TNFRSF1A: variants seen among roughly 807,000 people sequenced by gnomAD.
The protein encoded by TNFRSF1A is TNF receptor superfamily member 1A, also known as tumor necrosis factor receptor superfamily member 1A.
TNFRSF1A carries 9 observed loss-of-function variants against 41.6 expected under a neutral mutation model. The observed-to-expected ratio is 0.22, with a 90% confidence interval of 0.13 to 0.38. The LOEUF is 0.38. Among genes scored for constraint, TNFRSF1A ranks in the 10% least tolerant of loss-of-function variants. TNFRSF1A has a pLI of 1.00. For synonymous variants in TNFRSF1A, 254 were observed against 248.6 expected (o/e 1.02, Z -0.21); for missense variants, 463 against 591.5 (o/e 0.78, Z 2.25).
Position 6,333,038 on chromosome 12 carries a change from C to T in TNFRSF1A, c.551+31G>A, listed in dbSNP as rs1404591761. On this transcript the variant is annotated intron_variant, in intron 5 of 9. Transcript: ENST00000162749. This position sits in a 1 kb window ranked among gnomAD's most constrained non-coding sequence, Gnocchi z 6.3. ...CACCCGTCCCAACCCATGCCACCAT[C>T]CAGTGCCCAGCAGCTCTCAGAGATA... 1 of 1,602,312 alleles carries T rather than the reference C, an allele frequency of 6.2e-7. No homozygotes were observed. Among genetic ancestry groups the T allele is most frequent in the Admixed American group, 1.7e-5 (1 of 60,020 alleles).
rs1462805828 is a variant in TNFRSF1A, at chr12:6,334,005, A to G, written c.193+86T>C. ...AAAATCCCAGCCCAGGAGAGACAGC[A>G]AAGTTAGGGAAGAACAACTGGAAGA... is the stretch of plus-strand genomic sequence containing the variant. On this transcript the variant is annotated intron_variant, in intron 2 of 9. Coordinates refer to ENST00000162749, the MANE Select transcript of TNFRSF1A (RefSeq NM_001065.4). The surrounding 1 kb of genome is among the most constrained non-coding windows in gnomAD (Gnocchi z 5.1). 8 of 1,611,700 alleles carry G rather than the reference A, an allele frequency of 5.0e-6. No individual in the cohort carries two copies. The highest frequency in any genetic ancestry group is 4.0e-5 in the African/African-American group (3 of 74,888).
Position 6,329,410 on chromosome 12 carries a change from C to A in TNFRSF1A, c.1270G>T (p.Val424Leu). Reference protein sequence around the residue: ...REATLELLGRVLRDMDLLGCL... With the variant: ...REATLELLGRLLRDMDLLGCL... The stretch of plus-strand genomic sequence containing the variant: ...CCCAGCAGGTCCATGTCGCGGAGCA[C>A]GCGTCCCAGCAGCTCCAGCGTGGCC... The change falls in exon 10 of 10, where the codon GTG becomes TTG. Residue 424 changes from valine (V) to leucine (L), a missense_variant. Around this residue, in one of 4 missense-constraint regions of TNFRSF1A, gnomAD observed 277 missense variants for 288.8 expected, o/e 0.96. Transcript: ENST00000162749. 1 of 1,571,932 alleles carries A rather than the reference C, an allele frequency of 6.4e-7. No homozygotes were observed. Among genetic ancestry groups the A allele is most frequent in the Non-Finnish European group, 8.6e-7 (1 of 1,165,380 alleles).
In TNFRSF1A at chr12:6,329,431, T is replaced by C. The variant is rs766656980; in HGVS notation, c.1249A>G (p.Thr417Ala). The change falls in exon 10 of 10, where the codon ACG (threonine) becomes GCG (alanine). Residue 417 changes from threonine to alanine, a missense_variant. Thr to Ala is a moderately conservative substitution (Grantham distance 58). Around this residue, in one of 4 missense-constraint regions of TNFRSF1A, gnomAD observed 277 missense variants for 288.8 expected, o/e 0.96. Transcript: ENST00000162749. ...AGCACGCGTCCCAGCAGCTCCAGCG[T>C]GGCCTCGCGCCGCGGCGTGCGCCGC... Reference protein sequence around the residue: ...WRRRTPRREATLELLGRVLRD... With the variant: ...WRRRTPRREAALELLGRVLRD... The C allele has an allele frequency of 6.3e-7, 1 of 1,584,318 alleles. No homozygotes were observed. Among genetic ancestry groups the C allele is most frequent in the East Asian group, 2.3e-5 (1 of 43,998 alleles).
rs945363114 is a variant in TNFRSF1A at position 6,337,786 on chromosome 12, G to A, written c.40-3542C>T. On this transcript the variant is annotated intron_variant, in intron 1 of 9. Transcript: ENST00000162749. This position sits in a 1 kb window ranked among gnomAD's most constrained non-coding sequence, Gnocchi z 4.6. ...AAGATGAGAGATCAAAAAATGTCTT[G>A]GTCAGAAAGTGTCTTATCCTCCCCT... Among the ~76,000 whole-genome samples, 6 of 152,016 alleles carry A rather than the reference G, an allele frequency of 3.9e-5. No homozygotes were observed. The highest frequency in any genetic ancestry group is 1.5e-4 in the African/African-American group (6 of 41,328).
At chr12:6,330,213 A>G in intron 8 of TNFRSF1A, 54 bp downstream of exon 8, 2 of 1,613,792 alleles carry the variant, frequency 1.2e-6, no homozygotes, top group Non-Finnish European at 1.7e-6. Flanking sequence ...AGCATTAGGC[A>G]ATTATAAGGA....
At chr12:6,331,826 C>A (rs923411526) in intron 5 of TNFRSF1A, 47 of 175,430 alleles carry the variant, frequency 2.7e-4, no homozygotes, top group Non-Finnish European at 2.9e-4. Context: ...GATGGTGAAA[C>A]CCCATCTCTA....
chr12:6,340,594 A>G (rs1277012120), intron 1 of TNFRSF1A, among the ~76,000 whole-genome samples: 1 of 152,172 alleles, frequency 6.6e-6, no homozygotes, highest in Non-Finnish European at 1.5e-5. Context: ...CCGGGACCAG[A>G]GCGGAGCAGA....
intron 1 of TNFRSF1A, among the ~76,000 whole-genome samples, chr12:6,340,599 A>G (rs1948181981): frequency 6.6e-6 from 1 of 152,158 alleles, no homozygotes; most frequent in Non-Finnish European, 1.5e-5. Context: ...ACCAGAGCGG[A>G]GCAGAGAGGA....
intron 5 of TNFRSF1A, among the ~76,000 whole-genome samples, chr12:6,332,381 C>T (rs976113064): frequency 5.4e-5 from 8 of 148,550 alleles, no homozygotes; most frequent in African/African-American, 2.0e-4. Flanking sequence ...GGAGGCTGAG[C>T]CACGGTTGCA....
At chr12:6,338,809 T>C (rs186235210) in intron 1 of TNFRSF1A, among the ~76,000 whole-genome samples, 5 of 152,252 alleles carry the variant, frequency 3.3e-5, no homozygotes, top group Admixed American at 2.6e-4. Context: ...TTTGTATTTT[T>C]TGTAGAGACA....
chr12:6,329,300 A>G lies in TNFRSF1A; in HGVS notation c.*12T>C. ...CAGGACGGTCCTTAGAGCTGCCCGC[A>G]GGGGCGCAGCCTCATCTGAGAAGAC... On this transcript the variant is annotated 3_prime_UTR_variant, in exon 10 of 10. Coordinates refer to ENST00000162749, the MANE Select transcript of TNFRSF1A (RefSeq NM_001065.4). 6.9e-7 allele frequency: 1 copy of G among 1,456,376 alleles called. No individual in the cohort carries two copies. Among genetic ancestry groups the G allele is most frequent in the Non-Finnish European group, 9.0e-7 (1 of 1,112,348 alleles). The allele number at this position is 1,456,376 out of a possible 1,614,324, so 90.2% of individuals were successfully genotyped here. A position where few individuals can be genotyped will look rare whatever the true frequency, so the allele number is the denominator to read the frequency against.
chr12:6,340,973 G>T (rs4149625), intron 1 of TNFRSF1A, among the ~76,000 whole-genome samples: 82 of 152,348 alleles, frequency 5.4e-4, no homozygotes, highest in African/African-American at 1.8e-3. Context: ...GTTTAGGTCT[G>T]TGAGAAGCAG....
At chr12:6,339,417 G>T (rs1174487761) in intron 1 of TNFRSF1A, among the ~76,000 whole-genome samples, 1 of 152,248 alleles carries the variant, frequency 6.6e-6, no homozygotes, top group Non-Finnish European at 1.5e-5. Context: ...ATAATACACA[G>T]CTCGTGCTCT....
intron 1 of TNFRSF1A, among the ~76,000 whole-genome samples, chr12:6,338,806 T>G (rs1039068014): frequency 6.6e-6 from 1 of 152,126 alleles, no homozygotes; most frequent in Non-Finnish European, 1.5e-5. Context: ...ATCTTTGTAT[T>G]TTTTGTAGAG....
In TNFRSF1A at chr12:6,329,277, G is replaced by A. The variant is rs1947992656; in HGVS notation, c.*35C>T. 1.4e-6 allele frequency: 2 copies of A among 1,437,900 alleles called. No homozygotes were observed. Among genetic ancestry groups the A allele is most frequent in the Non-Finnish European group, 1.8e-6 (2 of 1,103,144 alleles). The allele number at this position is 1,437,900 out of a possible 1,614,324, so 89.1% of individuals were successfully genotyped here. ...AGTGGGGTTGGAAGGCGATCTCGCA[G>A]GACGGTCCTTAGAGCTGCCCGCAGG... On this transcript the variant is annotated 3_prime_UTR_variant, in exon 10 of 10. Coordinates refer to ENST00000162749, the MANE Select transcript of TNFRSF1A (RefSeq NM_001065.4).
In TNFRSF1A at chr12:6,329,762, C is replaced by A. The variant is rs1478588008; in HGVS notation, c.1057+16G>T. ...CTCCCCCAGCCTCCTCGTCTCCAGC[C>A]GCGGGAGAAACTCACTGTCTAGGCT... On this transcript the variant is annotated intron_variant, in intron 9 of 9. Transcript: ENST00000162749. 1.3e-6 allele frequency: 2 copies of A among 1,593,754 alleles called. No homozygotes were observed. Among genetic ancestry groups the A allele is most frequent in the East Asian group, 2.3e-5 (1 of 44,042 alleles).
At chr12:6,332,000 CAAAAAA>C (rs750532640) in intron 5 of TNFRSF1A, 137 of 78,714 alleles carry the variant, frequency 1.7e-3, no homozygotes, top group East Asian at 3.9e-3. Flanking sequence ...GACTCTGTGT[CAAAAAA>C]AAAAAAAAAA....
chr12:6,337,186 ACCAGCTGGCC>A lies in TNFRSF1A; in HGVS notation c.40-2952_40-2943del, dbSNP rs1948132435. 6.6e-6 allele frequency among the ~76,000 whole-genome samples: 1 copy of A among 152,190 alleles called. No individual in the cohort carries two copies. The highest frequency in any genetic ancestry group is 2.4e-5 in the African/African-American group (1 of 41,438). Reference sequence around the variant, plus strand: ...CCCACCACTGGGCACCACTGCTGGCACCAGCTGGCCCCAGTAAGCCCAGTCCTCAGCAGTT... The same window carrying A: ...CCCACCACTGGGCACCACTGCTGGCACCAGTAAGCCCAGTCCTCAGCAGTT... On this transcript the variant is annotated intron_variant, in intron 1 of 9. Transcript: ENST00000162749. This position sits in a 1 kb window ranked among gnomAD's most constrained non-coding sequence, Gnocchi z 4.6.
At chr12:6,336,311 G>GA (rs1331102817) in intron 1 of TNFRSF1A, among the ~76,000 whole-genome samples, 1 of 152,128 alleles carries the variant, frequency 6.6e-6, no homozygotes, top group Non-Finnish European at 1.5e-5. Flanking sequence ...TCAGATCCGG[G>GA]AAAGGGAAAT....
Sources: gnomAD v4.1 joint callset for allele counts (sites outside exome capture counted in the v4.1 genomes callset) on GRCh38, gnomAD v4.1.1 for gene constraint, gnomAD v4.1.1 regional missense constraint, Gnocchi (gnomAD v3.1) non-coding constraint, MANE v1.5 for transcripts, NCBI Gene and HGNC (gene_info 2026-07-23, HGNC 2026-07-21) for gene names.